Variants in GRB2 observed in about 807,000 individuals in gnomAD.
GRB2 encodes growth factor receptor bound protein 2, also known as growth factor receptor-bound protein 2.
Under a neutral mutation model 27.4 loss-of-function variants are expected in GRB2, and 2 were observed. The observed-to-expected ratio is 0.07, with a 90% confidence interval of 0.03 to 0.23. The LOEUF (loss-of-function observed/expected upper bound fraction) is 0.23. GRB2 is among the 10% of genes least tolerant of loss of function. GRB2 has a pLI of 1.00. For synonymous variants in GRB2, 94 were observed against 99.6 expected, an observed-to-expected ratio of 0.94 and a Z score of 0.33; for missense variants, 102 against 282.4, an observed-to-expected ratio of 0.36 and a Z score of 4.58.
intron 2 of GRB2, among the ~76,000 whole-genome samples, chr17:75,352,833 T>A (rs1195562973): frequency 6.6e-6 from 1 of 151,904 alleles, no homozygotes; most frequent in East Asian, 1.9e-4. Context: ...ATTTTCATCA[T>A]CAAGCTCACA....
intron 2 of GRB2, among the ~76,000 whole-genome samples, chr17:75,366,681 A>G (rs1424583061): frequency 1.3e-5 from 2 of 152,136 alleles, no homozygotes; most frequent in African/African-American, 4.8e-5. Flanking sequence ...GTGGTAGTGC[A>G]TGCCTGTAGT....
chr17:75,404,662 G>A (rs902016518), intron 1 of GRB2, among the ~76,000 whole-genome samples: 3 of 152,144 alleles, frequency 2.0e-5, no homozygotes, highest in Non-Finnish European at 4.4e-5. Context: ...AGAGGAGTAA[G>A]AAAGCCAAAA....
intron 2 of GRB2, among the ~76,000 whole-genome samples, chr17:75,374,009 A>G (rs2078874236): frequency 6.6e-6 from 1 of 151,436 alleles, no homozygotes; most frequent in Admixed American, 6.6e-5. Context: ...GTTAGCCAGG[A>G]TGGTCTCAAT....
At chr17:75,329,119 T>C (rs2078521894) in intron 3 of GRB2, among the ~76,000 whole-genome samples, 1 of 151,884 alleles carries the variant, frequency 6.6e-6, no homozygotes, top group Non-Finnish European at 1.5e-5. Flanking sequence ...AATCCACACA[T>C]GGCCTCGGCT....
At chr17:75,353,860 G>C (rs1205450348) in intron 2 of GRB2, among the ~76,000 whole-genome samples, 2 of 151,534 alleles carry the variant, frequency 1.3e-5, no homozygotes, top group African/African-American at 4.9e-5. Context: ...CCAACATGGA[G>C]AAACTCCGTC....
At chr17:75,377,238 T>C (rs2078899971) in intron 2 of GRB2, among the ~76,000 whole-genome samples, 1 of 151,940 alleles carries the variant, frequency 6.6e-6, no homozygotes, top group Non-Finnish European at 1.5e-5. Context: ...AGATGATCAC[T>C]TGAGCCCAGG....
At position 75,320,220 on chromosome 17, in the gene GRB2, G is replaced by A. The variant is rs2078449140; in HGVS notation, c.*148C>T. 1.6e-6 allele frequency: 1 copy of A among 631,732 alleles called. No individual in the cohort carries two copies. Among genetic ancestry groups the A allele is most frequent in the East Asian group, 2.6e-5 (1 of 38,834 alleles). 39.1% of individuals were successfully genotyped at this position (631,732 alleles called of 1,614,324 possible). ...CCAACGCCCCCTCCCACCCCCTAAAGTTCCAACCAAAGTGAGAGGGTCACA... is the reference window on the plus strand; with the variant it reads ...CCAACGCCCCCTCCCACCCCCTAAAATTCCAACCAAAGTGAGAGGGTCACA... On this transcript the variant is annotated 3_prime_UTR_variant, in exon 6 of 6. Coordinates refer to ENST00000316804, the MANE Select transcript of GRB2 (RefSeq NM_002086.5). The surrounding 1 kb of genome is among the most constrained non-coding windows in gnomAD (Gnocchi z 4.3).
intron 1 of GRB2, among the ~76,000 whole-genome samples, chr17:75,400,466 C>T (rs1438806108): frequency 6.6e-6 from 1 of 151,858 alleles, no homozygotes; most frequent in Non-Finnish European, 1.5e-5. Context: ...ACCACCATAC[C>T]CAGCCTCATG....
intron 1 of GRB2, among the ~76,000 whole-genome samples, chr17:75,398,754 A>C (rs1460156888): frequency 1.3e-5 from 2 of 151,700 alleles, no homozygotes; most frequent in African/African-American, 4.8e-5. Context: ...ATTTATTTTT[A>C]TTTATTTTTT....
At chr17:75,386,090 A>T (rs1175914331) in intron 2 of GRB2, among the ~76,000 whole-genome samples, 4 of 152,290 alleles carry the variant, frequency 2.6e-5, no homozygotes, top group Admixed American at 2.0e-4. Flanking sequence ...CTACATCTTT[A>T]AAAAACTTGT....
chr17:75,348,968 G>A (rs1467435359), intron 2 of GRB2, among the ~76,000 whole-genome samples: 2 of 152,126 alleles, frequency 1.3e-5, no homozygotes, highest in Admixed American at 6.5e-5. Context: ...GAGCCACTGC[G>A]CCCAACCCAG....
intron 2 of GRB2, among the ~76,000 whole-genome samples, chr17:75,369,528 T>G (rs1233792582): frequency 6.6e-6 from 1 of 152,088 alleles, no homozygotes; most frequent in South Asian, 2.1e-4. Flanking sequence ...AGACAAGGAC[T>G]CTGGATGGAT....
intron 2 of GRB2, among the ~76,000 whole-genome samples, chr17:75,343,998 G>A (rs553995042): frequency 3.3e-5 from 5 of 152,330 alleles, no homozygotes; most frequent in African/African-American, 7.2e-5. Context: ...CCCTTCCCAA[G>A]GAGCTTAGGG....
At chr17:75,346,963 C>T (rs1411159709) in intron 2 of GRB2, among the ~76,000 whole-genome samples, 8 of 152,080 alleles carry the variant, frequency 5.3e-5, no homozygotes, top group African/African-American at 1.2e-4. Flanking sequence ...GAAGGTCAGA[C>T]GAAGGGAGGG....
intron 2 of GRB2, among the ~76,000 whole-genome samples, chr17:75,359,815 T>C (rs1428075480): frequency 1.3e-5 from 2 of 152,210 alleles, no homozygotes; most frequent in East Asian, 1.9e-4. Context: ...CATGTATACC[T>C]GTCTCAATAT....
At chr17:75,348,917 C>T (rs1180407248) in intron 2 of GRB2, among the ~76,000 whole-genome samples, 1 of 152,174 alleles carries the variant, frequency 6.6e-6, no homozygotes, top group Non-Finnish European at 1.5e-5. Flanking sequence ...TTCAAGCAAT[C>T]CGCCCACCTC....
intron 2 of GRB2, among the ~76,000 whole-genome samples, chr17:75,360,958 A>G (rs1004461730): frequency 2.5e-5 from 2 of 80,560 alleles, no homozygotes; most frequent in African/African-American, 5.2e-5. Context: ...TTTGGTAGAG[A>G]TGGGGTCTTG....
chr17:75,386,817 T>A (rs965572642), intron 2 of GRB2, among the ~76,000 whole-genome samples: 1 of 152,190 alleles, frequency 6.6e-6, no homozygotes, highest in Non-Finnish European at 1.5e-5. Context: ...ACTTGCTAGA[T>A]GTGTGAATCT....
intron 2 of GRB2, among the ~76,000 whole-genome samples, chr17:75,380,452 C>CT (rs1179072059): frequency 3.9e-5 from 6 of 151,962 alleles, no homozygotes; most frequent in South Asian, 2.1e-4. Flanking sequence ...TCACACTCTT[C>CT]TTTTTTCTTT....
Sources: gnomAD v4.1 joint callset for allele counts (sites outside exome capture counted in the v4.1 genomes callset) on GRCh38, gnomAD v4.1.1 for gene constraint, Gnocchi (gnomAD v3.1) non-coding constraint, MANE v1.5 for transcripts, NCBI Gene and HGNC (gene_info 2026-07-23, HGNC 2026-07-21) for gene names.